Variants in DCC observed in about 807,000 individuals in gnomAD.
DCC encodes DCC netrin 1 receptor, also known as netrin receptor DCC.
In DCC, 58 loss-of-function variants were observed where a neutral mutation model predicts 172.5. The ratio of observed to expected loss-of-function variants is 0.34; its 90% CI spans 0.27 to 0.42. The LOEUF (loss-of-function observed/expected upper bound fraction) is 0.42. Among genes scored for constraint, DCC ranks in the 10% least tolerant of loss-of-function variants. DCC has a pLI of 1.00. For synonymous variants in DCC, 709 were observed against 644.5 expected (o/e 1.10, Z -1.52); for missense variants, 1,740 against 1,791.0 (o/e 0.97, Z 0.51).
At chr18:53,492,866 A>G (rs552605985) in intron 26 of DCC, among the ~76,000 whole-genome samples, 4 of 152,218 alleles carry the variant, frequency 2.6e-5, no homozygotes, top group Admixed American at 2.6e-4. Context: ...AAGAAAGTCA[A>G]TGGTAGCCTG....
chr18:53,182,312 G>A (rs2055209943), intron 9 of DCC, among the ~76,000 whole-genome samples: 2 of 152,086 alleles, frequency 1.3e-5, no homozygotes. Context: ...TTTAGTAACA[G>A]CATTGTTCTA....
At chr18:52,972,420 C>T (rs577970929) in intron 5 of DCC, among the ~76,000 whole-genome samples, 20 of 152,064 alleles carry the variant, frequency 1.3e-4, no homozygotes, top group African/African-American at 4.1e-4. Flanking sequence ...AGATAAGCTC[C>T]ACAGCCTCCA....
intron 1 of DCC, among the ~76,000 whole-genome samples, chr18:52,607,405 A>G (rs1478704297): frequency 6.6e-6 from 1 of 152,142 alleles, no homozygotes; most frequent in Non-Finnish European, 1.5e-5. Flanking sequence ...GGTACCACTT[A>G]AAGATGGGAT....
chr18:53,390,369 T>C (rs1478808801), intron 16 of DCC, among the ~76,000 whole-genome samples: 1 of 152,096 alleles, frequency 6.6e-6, no homozygotes, highest in Non-Finnish European at 1.5e-5. Flanking sequence ...GAATAGGGGA[T>C]AGGCATTTGA....
At chr18:52,576,400 T>G (rs1258481927) in intron 1 of DCC, among the ~76,000 whole-genome samples, 1 of 152,152 alleles carries the variant, frequency 6.6e-6, no homozygotes, top group East Asian at 1.9e-4. Context: ...TAAGAGTATA[T>G]ATGTAGAATA....
At chr18:53,378,181 G>A (rs1368379926) in intron 15 of DCC, among the ~76,000 whole-genome samples, 1 of 151,930 alleles carries the variant, frequency 6.6e-6, no homozygotes, top group Non-Finnish European at 1.5e-5. Flanking sequence ...GGCTGGTCTC[G>A]AACTCCTGGC....
intron 2 of DCC, among the ~76,000 whole-genome samples, chr18:52,873,576 T>A (rs536398914): frequency 6.6e-6 from 1 of 152,316 alleles, no homozygotes; most frequent in South Asian, 2.1e-4. Flanking sequence ...GTCAATAGTT[T>A]TATCAAAATT....
intron 1 of DCC, among the ~76,000 whole-genome samples, chr18:52,362,433 C>T (rs1486409291): frequency 6.6e-6 from 1 of 152,138 alleles, no homozygotes; most frequent in East Asian, 1.9e-4. Context: ...GTTGGTGGCC[C>T]AGTTAGAAAC....
At chr18:52,861,612 T>A (rs986411017) in intron 2 of DCC, among the ~76,000 whole-genome samples, 1 of 152,158 alleles carries the variant, frequency 6.6e-6, no homozygotes, top group Non-Finnish European at 1.5e-5. Flanking sequence ...AATTCTTGAC[T>A]CTGGAAAACA....
intron 21 of DCC, chr18:53,416,552 C>G: frequency 7.9e-6 from 2 of 251,704 alleles, no homozygotes; most frequent in South Asian, 9.3e-5. Context: ...AGAGAAAACC[C>G]GTAAATTATG....
At chr18:52,587,544 C>A (rs752212940) in intron 1 of DCC, among the ~76,000 whole-genome samples, 73 of 152,224 alleles carry the variant, frequency 4.8e-4, no homozygotes, top group Non-Finnish European at 7.3e-4. Flanking sequence ...ATTTTCCAAT[C>A]ATGTTTCTTC....
chr18:52,806,879 T>G (rs150964102), intron 2 of DCC, among the ~76,000 whole-genome samples: 3 of 152,138 alleles, frequency 2.0e-5, no homozygotes, highest in Non-Finnish European at 4.4e-5. Flanking sequence ...ACTTTTGACC[T>G]CAGGCATCCT....
At chr18:52,902,722 G>A (rs947938740) in intron 2 of DCC, among the ~76,000 whole-genome samples, 1 of 152,104 alleles carries the variant, frequency 6.6e-6, no homozygotes, top group East Asian at 1.9e-4. Context: ...ACCACCATGA[G>A]ATGTAACTGC....
chr18:53,248,338 G>T (rs912372605), intron 12 of DCC, among the ~76,000 whole-genome samples: 2 of 151,938 alleles, frequency 1.3e-5, no homozygotes, highest in South Asian at 2.1e-4. Context: ...CCCCAGAATG[G>T]TCCTGTGGGC....
chr18:52,621,281 A>G (rs2034474077), intron 1 of DCC, among the ~76,000 whole-genome samples: 1 of 152,222 alleles, frequency 6.6e-6, no homozygotes, highest in African/African-American at 2.4e-5. Flanking sequence ...TTGCCACACC[A>G]TACTGTGAGC....
At chr18:53,496,009 A>G (rs1371075237) in intron 26 of DCC, among the ~76,000 whole-genome samples, 2 of 152,156 alleles carry the variant, frequency 1.3e-5, no homozygotes, top group African/African-American at 2.4e-5. Context: ...ACCTGGGGGA[A>G]GGGGCAGCTA....
At chr18:52,923,638 ATC>A (rs2040157119) in intron 3 of DCC, 67 bp from the exon 4 acceptor site, 1 of 1,277,778 alleles carries the variant, frequency 7.8e-7, no homozygotes, top group African/African-American at 1.5e-5. Context: ...TAGGAAAAAA[ATC>A]AAAATATATC....
chr18:53,291,383 G>A (rs538353927), intron 12 of DCC, among the ~76,000 whole-genome samples: 22 of 152,112 alleles, frequency 1.4e-4, no homozygotes, highest in African/African-American at 4.1e-4. Flanking sequence ...TATAGTTGCC[G>A]TTTTTATATG....
chr18:52,824,299 G>C (rs1273104049), intron 2 of DCC, among the ~76,000 whole-genome samples: 1 of 152,092 alleles, frequency 6.6e-6, no homozygotes, highest in Admixed American at 6.6e-5. Flanking sequence ...ATGATGGCAG[G>C]TTTATTTCAA....
Sources: gnomAD v4.1 joint callset for allele counts (sites outside exome capture counted in the v4.1 genomes callset) on GRCh38, gnomAD v4.1.1 for gene constraint, MANE v1.5 for transcripts, NCBI Gene and HGNC (gene_info 2026-07-23, HGNC 2026-07-21) for gene names.